The following ANKS1A variants were observed in gnomAD, a reference collection of about 807,000 sequenced individuals.
The protein encoded by ANKS1A is ankyrin repeat and sterile alpha motif domain containing 1A, also known as ankyrin repeat and SAM domain-containing protein 1A.
A neutral mutation model predicts 120.3 loss-of-function variants in ANKS1A; 55 were observed. That is an observed-to-expected ratio of 0.46 (90% CI 0.37 to 0.57). The LOEUF is 0.57. ANKS1A is among the 20% of genes least tolerant of loss of function. The probability of loss-of-function intolerance (pLI) is 0.00; values close to 1 mark genes in which losing one functional copy is unlikely to be tolerated. For synonymous variants in ANKS1A, 590 were observed against 604.7 expected, an observed-to-expected ratio of 0.98 and a Z score of 0.36; for missense variants, 1,123 against 1,480.3, an observed-to-expected ratio of 0.76 and a Z score of 3.96.
At chr6:35,020,120 G>C (rs1774254985) in intron 11 of ANKS1A, among the ~76,000 whole-genome samples, 2 of 152,016 alleles carry the variant, frequency 1.3e-5, no homozygotes, top group South Asian at 4.1e-4. Context: ...TTTGCACCAG[G>C]TAGTGAGAGG....
At chr6:35,076,463 G>T (rs1214705382) in intron 13 of ANKS1A, among the ~76,000 whole-genome samples, 2 of 152,212 alleles carry the variant, frequency 1.3e-5, no homozygotes, top group African/African-American at 4.8e-5. Context: ...GGAGCTCTGG[G>T]TGTCCCCAAG....
At position 35,079,511 on chromosome 6, in the gene ANKS1A, T is replaced by C. The variant is rs747014962; in HGVS notation, c.2284-5T>C. 1.2e-6 allele frequency: 2 copies of C among 1,613,562 alleles called. No homozygotes were observed. Among genetic ancestry groups the C allele is most frequent in the Admixed American group, 3.3e-5 (2 of 59,996 alleles). On this transcript the variant is annotated splice_polypyrimidine_tract_variant and splice_region_variant and intron_variant, in intron 14 of 23. Transcript: ENST00000360359. Reference sequence around the variant, plus strand: ...GTCAGTTTCACCTCCCTCCTTGCCCTGTAGGTGAAGGCTCTGGGTTATGAC... The same window carrying C: ...GTCAGTTTCACCTCCCTCCTTGCCCCGTAGGTGAAGGCTCTGGGTTATGAC...
chr6:35,088,735 C>T lies in ANKS1A; in HGVS notation c.*126C>T. 12 of 1,599,458 alleles carry T rather than the reference C, an allele frequency of 7.5e-6. No individual in the cohort carries two copies. The highest frequency in any genetic ancestry group is 9.4e-6 in the Non-Finnish European group (11 of 1,174,758). On this transcript the variant is annotated 3_prime_UTR_variant, in exon 24 of 24. Transcript: ENST00000360359. ...GGCCTCACCTCCGCCTGCAGGACCT[C>T]CTCTTGGCCACTTGGCCTGGGCCTG...
At chr6:35,055,978 A>G (rs936050147) in intron 12 of ANKS1A, among the ~76,000 whole-genome samples, 2 of 152,230 alleles carry the variant, frequency 1.3e-5, no homozygotes, top group Non-Finnish European at 2.9e-5. Context: ...ATGGATGTTC[A>G]GGACTGAGAC....
In ANKS1A at chr6:34,983,430, G is replaced by A. The variant is rs770247820; in HGVS notation, c.1012+5G>A. The A allele has an allele frequency of 2.5e-6, 4 of 1,610,134 alleles. No individual in the cohort carries two copies. Among genetic ancestry groups the A allele is most frequent in the East Asian group, 2.2e-5 (1 of 44,842 alleles). On this transcript the variant is annotated splice_donor_5th_base_variant and intron_variant, in intron 7 of 23. Coordinates refer to ENST00000360359, the MANE Select transcript of ANKS1A (RefSeq NM_015245.3). ...CCATATCACAGAAGTCTCAGGGTAA[G>A]GTAACTCTCCCCTATGAGTAAAGGG... is the stretch of plus-strand genomic sequence containing the variant.
chr6:35,000,732 A>C (rs1269988837), intron 10 of ANKS1A, among the ~76,000 whole-genome samples: 5 of 152,182 alleles, frequency 3.3e-5, no homozygotes, highest in Admixed American at 3.3e-4. Flanking sequence ...TTAAAGAAAC[A>C]GTTTATGTGC....
chr6:35,034,874 A>G (rs1202569468), intron 11 of ANKS1A, among the ~76,000 whole-genome samples: 1 of 152,206 alleles, frequency 6.6e-6, no homozygotes, highest in Non-Finnish European at 1.5e-5. Flanking sequence ...CTAAGGACAG[A>G]CTTGATCACG....
chr6:34,891,601 A>C (rs1303222044), intron 1 of ANKS1A, among the ~76,000 whole-genome samples: 1 of 152,034 alleles, frequency 6.6e-6, no homozygotes. Flanking sequence ...AGTTTCTCAT[A>C]TCTCCCACCC....
intron 11 of ANKS1A, among the ~76,000 whole-genome samples, chr6:35,018,468 G>A (rs1385262105): frequency 6.6e-6 from 1 of 152,108 alleles, no homozygotes; most frequent in Admixed American, 6.6e-5. Flanking sequence ...AGGTGTGAGG[G>A]GTGTTTAGGG....
At chr6:34,925,652 G>A (rs909830583) in intron 1 of ANKS1A, among the ~76,000 whole-genome samples, 5 of 152,166 alleles carry the variant, frequency 3.3e-5, no homozygotes, top group African/African-American at 1.2e-4. Flanking sequence ...GGGGTATGAG[G>A]GAAAAATAGT....
At chr6:35,067,361 C>T (rs1228127008) in intron 13 of ANKS1A, among the ~76,000 whole-genome samples, 2 of 152,182 alleles carry the variant, frequency 1.3e-5, no homozygotes, top group African/African-American at 4.8e-5. Context: ...AGAAGTTGGT[C>T]CTGGCTGAGA....
intron 1 of ANKS1A, among the ~76,000 whole-genome samples, chr6:34,903,338 G>A (rs966943315): frequency 1.3e-5 from 2 of 151,448 alleles, no homozygotes; most frequent in African/African-American, 2.4e-5. Context: ...AAATCATCAT[G>A]TAGAAAAACT....
intron 7 of ANKS1A, among the ~76,000 whole-genome samples, chr6:34,984,686 C>A (rs892443417): frequency 2.6e-5 from 4 of 152,068 alleles, no homozygotes; most frequent in Non-Finnish European, 5.9e-5. Flanking sequence ...AAGCCTTTGC[C>A]GTCCTCTATT....
At chr6:34,991,998 G>A (rs983719741) in intron 9 of ANKS1A, among the ~76,000 whole-genome samples, 3 of 152,104 alleles carry the variant, frequency 2.0e-5, no homozygotes, top group African/African-American at 7.2e-5. Context: ...TTGCTTTATT[G>A]TGAGGATTTT....
chr6:34,935,858 C>G (rs886461964), intron 1 of ANKS1A, among the ~76,000 whole-genome samples: 1 of 151,428 alleles, frequency 6.6e-6, no homozygotes, highest in African/African-American at 2.4e-5. Flanking sequence ...GTCAGGAGAT[C>G]GAGACCATCC....
At chr6:34,957,655 A>G (rs1407631930) in intron 1 of ANKS1A, among the ~76,000 whole-genome samples, 1 of 152,136 alleles carries the variant, frequency 6.6e-6, no homozygotes, top group African/African-American at 2.4e-5. Flanking sequence ...CCTCAAGTTT[A>G]TTGCTCCCTC....
At chr6:34,896,829 TG>T (rs1485228759) in intron 1 of ANKS1A, among the ~76,000 whole-genome samples, 7 of 152,230 alleles carry the variant, frequency 4.6e-5, no homozygotes, top group African/African-American at 1.7e-4. Flanking sequence ...CTGGGTGTGG[TG>T]GCCTGCATCT....
rs540725975 is a variant in ANKS1A at position 34,991,603 on chromosome 6, CAT to C, written c.1302+2295_1302+2296del. Among the ~76,000 whole-genome samples the C allele has an allele frequency of 8.3e-4, 122 of 147,646 alleles. 1 individual carries two copies. Among genetic ancestry groups the C allele is most frequent in the African/African-American group, 2.9e-3 (116 of 40,242 alleles). On this transcript the variant is annotated intron_variant, in intron 9 of 23. Transcript: ENST00000360359. ...ACATATACACATATATATATACACA[CAT>C]ATATATACGTATATACACACACATA...
At chr6:34,958,480 GA>G (rs1029558454) in intron 1 of ANKS1A, among the ~76,000 whole-genome samples, 3 of 151,850 alleles carry the variant, frequency 2.0e-5, no homozygotes, top group Non-Finnish European at 4.4e-5. Flanking sequence ...GCATAATGAT[GA>G]AAAAAAATTC....
Sources: allele counts gnomAD v4.1 joint callset (sites outside exome capture counted in the v4.1 genomes callset), GRCh38; gene constraint gnomAD v4.1.1; transcripts MANE v1.5; gene names NCBI Gene and HGNC (gene_info 2026-07-23, HGNC 2026-07-21).